The following SEMA6D variants were observed in gnomAD, a reference collection of about 807,000 sequenced individuals.
SEMA6D encodes the protein semaphorin 6D.
A neutral mutation model predicts 106.6 loss-of-function variants in SEMA6D; 35 were observed. The observed-to-expected ratio is 0.33, with a 90% confidence interval of 0.25 to 0.44. SEMA6D has a LOEUF of 0.44. Ranked by LOEUF, SEMA6D falls within the 20% of genes least tolerant of loss-of-function variation. SEMA6D has a pLI of 1.00. For missense variants in SEMA6D, 1,185 were observed against 1,345.9 expected (o/e 0.88, Z 1.87); for synonymous variants, 499 against 487.7 (o/e 1.02, Z -0.31).
intron 1 of SEMA6D, among the ~76,000 whole-genome samples, chr15:47,237,421 G>A (rs987590235): frequency 2.2e-5 from 3 of 139,226 alleles, no homozygotes; most frequent in East Asian, 2.0e-4. Flanking sequence ...CATGATAAAC[G>A]TTTCTAGTAA....
At chr15:47,741,507 G>A (rs905333555) in intron 1 of SEMA6D, among the ~76,000 whole-genome samples, 10 of 152,162 alleles carry the variant, frequency 6.6e-5, no homozygotes, top group Admixed American at 2.6e-4. Flanking sequence ...ACCTGAGGTC[G>A]GCAGTTCAAG....
intron 1 of SEMA6D, among the ~76,000 whole-genome samples, chr15:47,235,704 C>T (rs1038308738): frequency 2.6e-5 from 4 of 152,078 alleles, no homozygotes; most frequent in African/African-American, 4.8e-5. Flanking sequence ...CAGTACCATG[C>T]TGTTTTGGTT....
chr15:47,246,761 T>C (rs1282309866), intron 1 of SEMA6D, among the ~76,000 whole-genome samples: 1 of 152,192 alleles, frequency 6.6e-6, no homozygotes, highest in Non-Finnish European at 1.5e-5. Flanking sequence ...TCCTTAACTC[T>C]AATCACATCT....
intron 4 of SEMA6D, chr15:47,605,151 A>T (rs2076751900): frequency 9.2e-5 from 14 of 152,152 alleles, no homozygotes; most frequent in Admixed American, 9.2e-4. Flanking sequence ...CAAATCTAAG[A>T]TGTTGGTACC....
chr15:47,400,693 T>A (rs1027456460), intron 1 of SEMA6D, among the ~76,000 whole-genome samples: 7 of 152,326 alleles, frequency 4.6e-5, no homozygotes, highest in African/African-American at 1.7e-4. Context: ...CTTTTGAACC[T>A]ACTCTTCGAA....
At chr15:47,594,221 A>C (rs1014406408) in intron 3 of SEMA6D, among the ~76,000 whole-genome samples, 1 of 152,182 alleles carries the variant, frequency 6.6e-6, no homozygotes, top group African/African-American at 2.4e-5. Flanking sequence ...CCCTAGGTAC[A>C]AACAAACTTC....
intron 1 of SEMA6D, among the ~76,000 whole-genome samples, chr15:47,335,103 C>A (rs1413117211): frequency 6.6e-6 from 1 of 151,770 alleles, no homozygotes; most frequent in Non-Finnish European, 1.5e-5. Context: ...TTTTGGTCAC[C>A]AAGAAGTTAG....
At chr15:47,385,045 A>ATTTTTTTTTTTT (rs374354563) in intron 1 of SEMA6D, among the ~76,000 whole-genome samples, 1 of 94,348 alleles carries the variant, frequency 1.1e-5, no homozygotes, top group Non-Finnish European at 2.3e-5. Context: ...CTGGACTGTA[A>ATTTTTTTTTTTT]TTTTTTTTTT....
chr15:47,272,944 C>T (rs1255506994), intron 1 of SEMA6D: 1 of 152,156 alleles, frequency 6.6e-6, no homozygotes, highest in East Asian at 1.9e-4. Context: ...AAAGATTTGT[C>T]ATCTAATTTC....
At chr15:47,277,580 A>ATATTAT (rs747605039) in intron 1 of SEMA6D, among the ~76,000 whole-genome samples, 86 of 107,368 alleles carry the variant, frequency 8.0e-4, no homozygotes, top group African/African-American at 2.0e-3. Flanking sequence ...TAAGGTATGT[A>ATATTAT]TATTATTATT....
intron 1 of SEMA6D, among the ~76,000 whole-genome samples, chr15:47,280,330 A>G (rs1178332450): frequency 1.3e-5 from 2 of 151,556 alleles, no homozygotes; most frequent in South Asian, 4.2e-4. Flanking sequence ...TGTTTGTAGT[A>G]TTCTCTGATG....
chr15:47,569,021 G>A (rs148059436), intron 3 of SEMA6D, among the ~76,000 whole-genome samples: 44 of 152,202 alleles, frequency 2.9e-4, no homozygotes, highest in South Asian at 2.5e-3. Context: ...AGCTTCGTGG[G>A]TGCTGTTTGG....
At chr15:47,646,545 A>G (rs902934140) in intron 4 of SEMA6D, among the ~76,000 whole-genome samples, 1 of 152,222 alleles carries the variant, frequency 6.6e-6, no homozygotes, top group Non-Finnish European at 1.5e-5. Context: ...GAAGAAAATC[A>G]AATTGCTGCA....
At chr15:47,673,571 A>AG (rs1451112916) in intron 4 of SEMA6D, among the ~76,000 whole-genome samples, 1 of 152,214 alleles carries the variant, frequency 6.6e-6, no homozygotes, top group African/African-American at 2.4e-5. Flanking sequence ...TAAGGTTTGC[A>AG]GGGGAACCTC....
At chr15:47,441,033 A>G (rs1446259082) in intron 2 of SEMA6D, among the ~76,000 whole-genome samples, 5 of 152,014 alleles carry the variant, frequency 3.3e-5, no homozygotes, top group Non-Finnish European at 7.4e-5. Flanking sequence ...TTCCCCTGAC[A>G]TTCCGCTTGA....
intron 1 of SEMA6D, among the ~76,000 whole-genome samples, chr15:47,296,935 G>T (rs751318774): frequency 5.3e-5 from 8 of 152,166 alleles, no homozygotes; most frequent in Non-Finnish European, 1.0e-4. Flanking sequence ...ATTTCGGTCT[G>T]TAAAAAGGAA....
At position 47,378,154 on chromosome 15, in the gene SEMA6D, T is replaced by A. The variant is rs73403055; in HGVS notation, c.-238-34239T>A. ...AAAAGAAGTGTGTTTAAAGTAAATG[T>A]TGTTTTCCCTCTGCTTCCATTTAAA... On this transcript the variant is annotated intron_variant, in intron 1 of 19. Transcript: ENST00000558014. Among the ~76,000 whole-genome samples, 965 of 152,304 alleles carry A rather than the reference T, an allele frequency of 6.3e-3. 4 individuals carry two copies. Among genetic ancestry groups the A allele is most frequent in the African/African-American group, 0.022 (923 of 41,572 alleles).
At chr15:47,483,657 C>G (rs1409528631) in intron 3 of SEMA6D, among the ~76,000 whole-genome samples, 1 of 152,104 alleles carries the variant, frequency 6.6e-6, no homozygotes, top group South Asian at 2.1e-4. Flanking sequence ...TTTAAACCTA[C>G]TCTCTGGAAT....
intron 3 of SEMA6D, among the ~76,000 whole-genome samples, chr15:47,537,139 C>T (rs1490358339): frequency 6.6e-6 from 1 of 152,092 alleles, no homozygotes; most frequent in Non-Finnish European, 1.5e-5. Flanking sequence ...TTGGAAAAAT[C>T]ACAATAAATA....
Sources: allele counts gnomAD v4.1 joint callset (sites outside exome capture counted in the v4.1 genomes callset), GRCh38; gene constraint gnomAD v4.1.1; transcripts MANE v1.5; gene names NCBI Gene and HGNC (gene_info 2026-07-23, HGNC 2026-07-21).